TNC: variants seen among roughly 807,000 people sequenced by gnomAD.
TNC encodes tenascin.
In TNC, 109 loss-of-function variants were observed where a neutral mutation model predicts 202.4. The ratio of observed to expected loss-of-function variants is 0.54; its 90% CI spans 0.46 to 0.63. The LOEUF is 0.63. Ranked by LOEUF, TNC falls within the 30% of genes least tolerant of loss-of-function variation. The probability of loss-of-function intolerance (pLI) is 0.00; values close to 1 mark genes in which losing one functional copy is unlikely to be tolerated. For missense variants in TNC, 2,756 were observed against 2,833.3 expected (o/e 0.97, Z 0.62); for synonymous variants, 1,007 against 1,089.7 (o/e 0.92, Z 1.50).
chr9:115,117,699 A>T (rs974591781), intron 1 of TNC, among the ~76,000 whole-genome samples: 34 of 152,358 alleles, frequency 2.2e-4, no homozygotes, highest in Admixed American at 9.1e-4. Flanking sequence ...GCAGTTGAAG[A>T]GAAAATTTTT....
At chr9:115,084,561 G>C in intron 3 of TNC, 89 bp from the exon 4 acceptor site, 1 of 1,465,094 alleles carries the variant, frequency 6.8e-7, no homozygotes, top group South Asian at 1.3e-5. Context: ...TCCACTGTCA[G>C]CCACAGAGGT....
chr9:115,081,082 A>T (rs925912534), intron 6 of TNC, among the ~76,000 whole-genome samples: 3 of 152,162 alleles, frequency 2.0e-5, no homozygotes, highest in Non-Finnish European at 4.4e-5. Flanking sequence ...ACCAGAGCCT[A>T]GTCAATGTTA....
Position 115,059,914 on chromosome 9 carries a change from A to T in TNC, c.4122T>A (p.Tyr1374Ter). 1 of 1,614,134 alleles carries T rather than the reference A, an allele frequency of 6.2e-7. No individual in the cohort carries two copies. Among genetic ancestry groups the T allele is most frequent in the South Asian group, 1.1e-5 (1 of 91,078 alleles). The change falls in exon 14 of 28, where the codon TAT becomes TAA. Residue 1374 changes from tyrosine to a stop codon, truncating the protein, a stop_gained. Transcript: ENST00000350763. LOFTEE classifies it high-confidence loss of function. ...RLNWTAADNA[Y>*]EHFVIQVQEV... Reference sequence around the variant, plus strand: ...CCTGCACCTGAATGACAAAGTGCTCATAGGCATTGTCAGCTGCGGTCCAGT... The same window carrying T: ...CCTGCACCTGAATGACAAAGTGCTCTTAGGCATTGTCAGCTGCGGTCCAGT...
rs758515404 is a variant in TNC at position 115,036,095 on chromosome 9, T to C, written c.5656+3A>G. 1.7e-5 allele frequency: 28 copies of C among 1,614,182 alleles called. No individual in the cohort carries two copies. Among genetic ancestry groups the C allele is most frequent in the Non-Finnish European group, 2.2e-5 (26 of 1,179,994 alleles). ...GAGCTTCCAGCTCTCAGTGTCTTTG[T>C]ACCTGTTGTGAACTTGGCAGTGATG... On this transcript the variant is annotated splice_donor_region_variant and intron_variant, in intron 21 of 27. Coordinates refer to ENST00000350763, the MANE Select transcript of TNC (RefSeq NM_002160.4).
rs1239126908 is a variant in TNC, at chr9:115,095,546, G to GTA, written c.-136-4394_-136-4393dup. 2.5e-3 allele frequency among the ~76,000 whole-genome samples: 5 copies of GTA among 1,968 alleles called. 1 individual carries two copies. Among genetic ancestry groups the GTA allele is most frequent in the Admixed American group, 7.9e-3 (1 of 126 alleles). The allele number at this position is 1,968 out of a possible 152,430, so 1.3% of individuals were successfully genotyped here. ...TATGTATATATATATGTATATATATGTATATATATGTATATATATGTATAT... is the reference window on the plus strand; with the variant it reads ...TATGTATATATATATGTATATATATGTATATATATATGTATATATATGTATAT... On this transcript the variant is annotated intron_variant, in intron 1 of 27. Transcript: ENST00000350763.
chr9:115,036,186 G>A lies in TNC; in HGVS notation c.5568C>T (p.Asp1856=). The A allele has an allele frequency of 5.0e-6, 8 of 1,614,142 alleles. 1 individual carries two copies. In the South Asian group the frequency reaches 8.8e-5, roughly 18 times the overall value. The change falls in exon 21 of 28, where the codon GAC becomes GAT. Residue 1856 remains aspartate, a synonymous_variant. Coordinates refer to ENST00000350763, the MANE Select transcript of TNC (RefSeq NM_002160.4). ...SGNTVEYALT[D]LEPATEYTLR... ...GTGTGTATTCCGTGGCAGGCTCGAG[G>A]TCGGTCAGAGCATACTCCACTGTGT...
chr9:115,096,194 A>G (rs759267962), intron 1 of TNC, among the ~76,000 whole-genome samples: 1 of 152,232 alleles, frequency 6.6e-6, no homozygotes, highest in Non-Finnish European at 1.5e-5. Context: ...AATCTGGTGA[A>G]CATAAAATCC....
intron 21 of TNC, 30 bp downstream of exon 21, chr9:115,036,068 G>A: frequency 6.2e-7 from 1 of 1,613,366 alleles, no homozygotes; most frequent in Non-Finnish European, 8.5e-7. Flanking sequence ...CCCCAGAAGG[G>A]AGAGCTTCCA....
In TNC at chr9:115,086,469, C is replaced by A; in HGVS notation, c.1262G>T (p.Gly421Val). 6.2e-7 allele frequency: 1 copy of A among 1,613,836 alleles called. No homozygotes were observed. The highest frequency in any genetic ancestry group is 1.1e-5 in the South Asian group (1 of 91,082). The change falls in exon 3 of 28, where the codon GGG (glycine) becomes GTG (valine). Residue 421 changes from glycine (G) to valine (V), a missense_variant. By Grantham distance (109) the Gly-to-Val change is moderately radical. Transcript: ENST00000350763. The stretch of plus-strand genomic sequence containing the variant: ...ATAGCCCTCATCACACACACACTGC[C>A]CATTGACACAGCGGCCATGGCCACT... ...GCSGHGRCVN[G>V]QCVCDEGYTG...
At chr9:115,113,805 G>GCGATCTGC (rs1837255801) in intron 1 of TNC, among the ~76,000 whole-genome samples, 1 of 152,098 alleles carries the variant, frequency 6.6e-6, no homozygotes, top group African/African-American at 2.4e-5. Flanking sequence ...TTTTCCGTTC[G>GCGATCTGC]CGATCTGCTT....
At position 115,040,948 on chromosome 9, in the gene TNC, G is replaced by A. The variant is rs1314130259; in HGVS notation, c.5385C>T (p.Phe1795=). 6.2e-7 allele frequency: 1 copy of A among 1,612,888 alleles called. No homozygotes were observed. The highest frequency in any genetic ancestry group is 1.3e-5 in the African/African-American group (1 of 74,910). The stretch of plus-strand genomic sequence containing the variant: ...ACAACCCCACCAACTCACCTGTGGT[G>A]AATGACCCTGAGACAGGTTCACTTT... ...FEESEPVSGS[F]TTALDGPSGL... is the part of the protein sequence containing the mutation. Residue 1795 remains phenylalanine, a synonymous_variant, in exon 19 of 28, where the codon TTC becomes TTT. Transcript: ENST00000350763.
At chr9:115,055,460 C>A (rs189165473) in intron 15 of TNC, 1 of 152,536 alleles carries the variant, frequency 6.6e-6, no homozygotes. Context: ...AGTGAAGAAG[C>A]CATAATAGGA....
chr9:115,072,357 C>T (rs1833529932), intron 10 of TNC, among the ~76,000 whole-genome samples: 1 of 152,182 alleles, frequency 6.6e-6, no homozygotes, highest in South Asian at 2.1e-4. Context: ...AGCCTGGGTG[C>T]CTGACAATTT....
chr9:115,113,108 A>C (rs1837207843), intron 1 of TNC, among the ~76,000 whole-genome samples: 9 of 152,170 alleles, frequency 5.9e-5, no homozygotes, highest in Admixed American at 5.9e-4. Flanking sequence ...CTGAAGGAGC[A>C]AGCTGGAGAT....
At chr9:115,099,237 C>CG (rs1016023303) in intron 1 of TNC, among the ~76,000 whole-genome samples, 2 of 152,042 alleles carry the variant, frequency 1.3e-5, no homozygotes, top group Non-Finnish European at 2.9e-5. Flanking sequence ...AGTGTAAGAA[C>CG]GGGCTATGGG....
In TNC at chr9:115,090,504, T is replaced by C. The variant is rs1010332973; in HGVS notation, c.457+58A>G. 8 of 1,379,994 alleles carry C rather than the reference T, an allele frequency of 5.8e-6. No homozygotes were observed. The African/African-American group carries it at 8.7e-5, about 15-fold the overall frequency. The allele number at this position is 1,379,994 out of a possible 1,614,324, so 85.5% of individuals were successfully genotyped here. A position where few individuals can be genotyped will look rare whatever the true frequency, so the allele number is the denominator to read the frequency against. ...TGGAAGCAAGTGATGGATGCTGCTA[T>C]GCTCTTCATTTCTCCATGTTTGCAC... On this transcript the variant is annotated intron_variant, in intron 2 of 27. Transcript: ENST00000350763.
intron 6 of TNC, among the ~76,000 whole-genome samples, chr9:115,080,443 G>C (rs1400182996): frequency 6.6e-6 from 1 of 152,130 alleles, no homozygotes; most frequent in East Asian, 1.9e-4. Flanking sequence ...TAGGCAAAAT[G>C]TGCAAATATT....
intron 1 of TNC, among the ~76,000 whole-genome samples, chr9:115,113,692 C>T (rs989937759): frequency 2.0e-5 from 3 of 152,186 alleles, no homozygotes; most frequent in Non-Finnish European, 4.4e-5. Context: ...CATGAAGGAC[C>T]TATGAACTTC....
chr9:115,078,317 T>C (rs1834039857), intron 6 of TNC, 105 bp from the exon 7 acceptor site: 2 of 1,306,740 alleles, frequency 1.5e-6, no homozygotes, highest in East Asian at 2.4e-5. Flanking sequence ...TGAATACTTA[T>C]ACTAACTGCT....
Sources: allele counts gnomAD v4.1 joint callset (sites outside exome capture counted in the v4.1 genomes callset), GRCh38; gene constraint gnomAD v4.1.1; transcripts MANE v1.5; gene names NCBI Gene and HGNC (gene_info 2026-07-23, HGNC 2026-07-21).